SYN2: variants seen among roughly 807,000 people sequenced by gnomAD.
SYN2 encodes synapsin II.
In SYN2, 19 loss-of-function variants were observed where a neutral mutation model predicts 50.9. That is an observed-to-expected ratio of 0.37 (90% confidence interval 0.26 to 0.55). The LOEUF is 0.55. SYN2 is among the 20% of genes least tolerant of loss of function. The probability of loss-of-function intolerance (pLI) is 0.81; values close to 1 mark genes in which losing one functional copy is unlikely to be tolerated. For missense variants in SYN2, 587 were observed against 576.4 expected, an observed-to-expected ratio of 1.02 and a Z score of -0.19; for synonymous variants, 255 against 224.9, an observed-to-expected ratio of 1.13 and a Z score of -1.20.
intron 5 of SYN2, among the ~76,000 whole-genome samples, chr3:12,160,085 A>T (rs1265195527): frequency 6.6e-6 from 1 of 151,462 alleles, no homozygotes; most frequent in East Asian, 1.9e-4. Context: ...AAAAACAAAG[A>T]AGCAGGGGAC....
At chr3:12,092,989 A>G (rs571664399) in intron 1 of SYN2, among the ~76,000 whole-genome samples, 7 of 152,272 alleles carry the variant, frequency 4.6e-5, no homozygotes, top group Non-Finnish European at 1.0e-4. Context: ...AGGGCCTGTT[A>G]GCCATCCTGA....
chr3:12,121,142 A>G (rs1226489934), intron 1 of SYN2, among the ~76,000 whole-genome samples: 1 of 152,178 alleles, frequency 6.6e-6, no homozygotes, highest in Non-Finnish European at 1.5e-5. Context: ...ACTTAAATTT[A>G]GGATAGGCTC....
At chr3:12,161,737 C>A in intron 6 of SYN2, 129 bp downstream of exon 6, 2 of 1,191,684 alleles carry the variant, frequency 1.7e-6, no homozygotes, top group African/African-American at 1.5e-5. Context: ...TGATTTGCCA[C>A]CTCTAAAGCC....
intron 1 of SYN2, among the ~76,000 whole-genome samples, chr3:12,025,850 A>G (rs996766280): frequency 3.3e-5 from 5 of 152,168 alleles, no homozygotes; most frequent in Non-Finnish European, 7.3e-5. Context: ...GTCTCAAGGT[A>G]GATATTATAC....
chr3:12,120,052 T>TA (rs200432548), intron 1 of SYN2, among the ~76,000 whole-genome samples: 87 of 149,996 alleles, frequency 5.8e-4, no homozygotes, highest in African/African-American at 1.8e-3. Flanking sequence ...TAAAGCTGGT[T>TA]AAAAAAAAAA....
chr3:12,158,878 G>A (rs768290509), intron 5 of SYN2: 97 of 1,503,066 alleles, frequency 6.5e-5, no homozygotes, highest in South Asian at 2.3e-4. Context: ...TGAGGTCTGG[G>A]GGACTGGACG....
In SYN2 at chr3:12,098,856, C is replaced by CATATATATATAT. The variant is rs35420190; in HGVS notation, c.378-41781_378-41770dup. Among the ~76,000 whole-genome samples the CATATATATATAT allele has an allele frequency of 3.3e-3, 438 of 133,596 alleles. 3 individuals are homozygous for CATATATATATAT. Among genetic ancestry groups the CATATATATATAT allele is most frequent in the East Asian group, 0.01 (44 of 4,244 alleles). The allele number at this position is 133,596 out of a possible 152,430, so 87.6% of individuals were successfully genotyped here. ...GTCACAAATAGGTTAAAAGCAAAAG[C>CATATATATATAT]ATATATATATATATATATATATATA... On this transcript the variant is annotated intron_variant, in intron 1 of 12. Coordinates refer to ENST00000621198, the MANE Select transcript of SYN2 (RefSeq NM_133625.6).
At chr3:12,177,871 G>A (rs1351338421) in intron 10 of SYN2, among the ~76,000 whole-genome samples, 1 of 152,184 alleles carries the variant, frequency 6.6e-6, no homozygotes, top group Non-Finnish European at 1.5e-5. Context: ...ATATTTCTTG[G>A]GTTCTAGGTT....
At chr3:12,024,215 G>A (rs1694207065) in intron 1 of SYN2, among the ~76,000 whole-genome samples, 1 of 139,126 alleles carries the variant, frequency 7.2e-6, no homozygotes, top group African/African-American at 2.7e-5. Context: ...GGAGTGCAGT[G>A]GTGTGATCTC....
intron 3 of SYN2, among the ~76,000 whole-genome samples, chr3:12,144,285 C>T (rs892229819): frequency 2.0e-5 from 3 of 152,160 alleles, no homozygotes; most frequent in African/African-American, 7.2e-5. Flanking sequence ...CTCAGTTCTG[C>T]GAAAAATATT....
chr3:12,182,481 G>T (rs1054101682), intron 10 of SYN2, among the ~76,000 whole-genome samples: 1 of 152,200 alleles, frequency 6.6e-6, no homozygotes, highest in African/African-American at 2.4e-5. Flanking sequence ...ATCCCGTCAG[G>T]GCATAATCAG....
intron 1 of SYN2, among the ~76,000 whole-genome samples, chr3:12,012,910 A>G (rs1410441456): frequency 1.3e-5 from 2 of 152,186 alleles, no homozygotes; most frequent in African/African-American, 4.8e-5. Context: ...CACTCTTCCA[A>G]ACATGAAAGA....
intron 1 of SYN2, among the ~76,000 whole-genome samples, chr3:12,121,683 G>A (rs912842915): frequency 6.8e-6 from 1 of 148,032 alleles, no homozygotes; most frequent in Non-Finnish European, 1.5e-5. Flanking sequence ...AAGGAGAAAG[G>A]AAGGGAAGGG....
At position 12,071,433 on chromosome 3, in the gene SYN2, A is replaced by G. The variant is rs552219975; in HGVS notation, c.377+66505A>G. 3.2e-4 allele frequency: 168 copies of G among 522,982 alleles called. 1 individual carries two copies. Among genetic ancestry groups the G allele is most frequent in the South Asian group, 2.4e-3 (166 of 68,454 alleles). 32.4% of individuals were successfully genotyped at this position (522,982 alleles called of 1,614,324 possible). On this transcript the variant is annotated intron_variant, in intron 1 of 12. Transcript: ENST00000621198. ...CAGAAGTATAAATTGCCCCTGGCAA[A>G]TGCATACACTTCATGCTAGCCTCAT... is the stretch of plus-strand genomic sequence containing the variant.
chr3:12,059,816 T>C (rs1695075373), intron 1 of SYN2, among the ~76,000 whole-genome samples: 1 of 152,124 alleles, frequency 6.6e-6, no homozygotes, highest in African/African-American at 2.4e-5. Context: ...CACAGGCTCC[T>C]CTAAAGGGGG....
Position 12,084,649 on chromosome 3 carries a change from T to C in SYN2, c.378-56002T>C, listed in dbSNP as rs73137673. ...AAATATTCTAGTACTGTGATGACAG[T>C]GGAAAATCAATTACATCTCTTATAT... On this transcript the variant is annotated intron_variant, in intron 1 of 12. Coordinates refer to ENST00000621198, the MANE Select transcript of SYN2 (RefSeq NM_133625.6). Among the ~76,000 whole-genome samples the C allele has an allele frequency of 7.8e-3, 1,183 of 152,278 alleles. 11 individuals carry two copies. Among genetic ancestry groups the C allele is most frequent in the African/African-American group, 0.027 (1,125 of 41,564 alleles).
At chr3:12,133,587 G>A (rs963554040) in intron 1 of SYN2, among the ~76,000 whole-genome samples, 20 of 152,200 alleles carry the variant, frequency 1.3e-4, no homozygotes, top group African/African-American at 4.6e-4. Flanking sequence ...GGTGAATGCT[G>A]TGCAATAGGT....
chr3:12,184,733 C>G (rs770650520), intron 11 of SYN2: 35 of 985,792 alleles, frequency 3.6e-5, no homozygotes, highest in Non-Finnish European at 4.1e-5. Flanking sequence ...ACAAGCAGCA[C>G]CTGAGCAGAT....
chr3:12,022,299 C>T (rs1380293343), intron 1 of SYN2, among the ~76,000 whole-genome samples: 14 of 152,052 alleles, frequency 9.2e-5, no homozygotes, highest in African/African-American at 2.2e-4. Flanking sequence ...ATATCACTTC[C>T]GCATCTTCTT....
Sources: allele counts gnomAD v4.1 joint callset (sites outside exome capture counted in the v4.1 genomes callset), GRCh38; gene constraint gnomAD v4.1.1; transcripts MANE v1.5; gene names NCBI Gene and HGNC (gene_info 2026-07-23, HGNC 2026-07-21).